The following ICE1 variants were observed in gnomAD, a reference collection of about 807,000 sequenced individuals.
The protein encoded by ICE1 is little elongation complex subunit 1.
ICE1 carries 64 observed loss-of-function variants against 192.7 expected under a neutral mutation model. The observed-to-expected ratio is 0.33, with a 90% CI of 0.27 to 0.41. ICE1 has a LOEUF of 0.41. ICE1 is among the 10% of genes least tolerant of loss of function. The probability of loss-of-function intolerance (pLI) is 1.00; values close to 1 mark genes in which losing one functional copy is unlikely to be tolerated. For synonymous variants in ICE1, 1,010 were observed against 984.5 expected (o/e 1.03, Z -0.49); for missense variants, 2,708 against 2,696.0 (o/e 1.00, Z -0.10).
At chr5:5,457,777 G>T in intron 12 of ICE1, 36 bp downstream of exon 12, 2 of 1,560,458 alleles carry the variant, frequency 1.3e-6, no homozygotes, top group Non-Finnish European at 1.8e-6. Flanking sequence ...TTACCAAGTG[G>T]GTACATTGTC....
chr5:5,470,087 CCAGAGAGTTACCTGCCTCGAG>C (rs1739114318), intron 15 of ICE1, among the ~76,000 whole-genome samples: 1 of 152,084 alleles, frequency 6.6e-6, no homozygotes, highest in Admixed American at 6.5e-5. Context: ...TTACCTGTTC[CCAGAGAGTTACCTGCCTCGAG>C]CATTACCTGC....
At position 5,464,579 on chromosome 5, in the gene ICE1, G is replaced by A. The variant is rs1460041200; in HGVS notation, c.5245G>A (p.Val1749Met). The A allele has an allele frequency of 6.2e-7, 1 of 1,612,280 alleles. No individual in the cohort carries two copies. Among genetic ancestry groups the A allele is most frequent in the Non-Finnish European group, 8.5e-7 (1 of 1,178,998 alleles). ...AAVGGPQENS[V>M]KILDTMYPEL... ...TGTGGGAGGGCCTCAGGAGAATTCT[G>A]TGAAAATCCTTGACACCATGTATCC... Residue 1749 changes from valine to methionine, a missense_variant, in exon 13 of 19, where the codon GTG becomes ATG. Around this residue, in one of 2 missense-constraint regions of ICE1, gnomAD observed 2,366 missense variants for 2,276.6 expected, o/e 1.04. Coordinates refer to ENST00000296564, the MANE Select transcript of ICE1 (RefSeq NM_015325.3). This position sits in a 1 kb window ranked among gnomAD's most constrained non-coding sequence, Gnocchi z 4.0.
At position 5,489,526 on chromosome 5, in the gene ICE1, A is replaced by G. The variant is rs1199985954; in HGVS notation, c.*196A>G. 2 of 506,492 alleles carry G rather than the reference A, an allele frequency of 3.9e-6. No individual in the cohort carries two copies. Among genetic ancestry groups the G allele is most frequent in the Admixed American group, 3.6e-5 (1 of 27,420 alleles). 31.4% of individuals were successfully genotyped at this position (506,492 alleles called of 1,614,324 possible). A position where few individuals can be genotyped will look rare whatever the true frequency, so the allele number is the denominator to read the frequency against. ...CGCATAGTCGTTTTTCCCTAAATCTAATACGTTTCACTTAAGGCTGTTGTG... is the reference window on the plus strand; with the variant it reads ...CGCATAGTCGTTTTTCCCTAAATCTGATACGTTTCACTTAAGGCTGTTGTG... On this transcript the variant is annotated 3_prime_UTR_variant, in exon 19 of 19. Transcript: ENST00000296564.
intron 3 of ICE1, among the ~76,000 whole-genome samples, chr5:5,439,081 T>C (rs1737961172): frequency 6.6e-6 from 1 of 152,198 alleles, no homozygotes; most frequent in Admixed American, 6.5e-5. Context: ...ACTATGATAA[T>C]TCAGTATTTC....
At chr5:5,454,243 A>C (rs1579556692) in intron 10 of ICE1, among the ~76,000 whole-genome samples, 1 of 152,220 alleles carries the variant, frequency 6.6e-6, no homozygotes, top group African/African-American at 2.4e-5. Context: ...CATTTGTCCC[A>C]TGCATACATA....
Position 5,422,976 on chromosome 5 carries a change from C to G in ICE1, c.61C>G (p.Gln21Glu), listed in dbSNP as rs1429300026. The G allele has an allele frequency of 6.9e-7, 1 of 1,452,076 alleles. No homozygotes were observed. Among genetic ancestry groups the G allele is most frequent in the Non-Finnish European group, 9.1e-7 (1 of 1,104,160 alleles). 89.9% of individuals were successfully genotyped at this position (1,452,076 alleles called of 1,614,324 possible). A position where few individuals can be genotyped will look rare whatever the true frequency, so the allele number is the denominator to read the frequency against. The part of the protein sequence containing the change: ...PGTAADLSRC[Q>E]GCASLQQNLN... ...GACGGCGGCGGACCTGTCGCGATGT[C>G]AGGGCTGCGCCTCTCTGCAGCAGGT... Residue 21 changes from glutamine (Q) to glutamate (E), a missense_variant, in exon 1 of 19, where the codon CAG (glutamine) becomes GAG (glutamate). Coordinates refer to ENST00000296564, the MANE Select transcript of ICE1 (RefSeq NM_015325.3).
chr5:5,469,599 T>A (rs1473105208), intron 15 of ICE1, among the ~76,000 whole-genome samples: 4 of 152,170 alleles, frequency 2.6e-5, no homozygotes, highest in Non-Finnish European at 5.9e-5. Context: ...TTTTTTAATT[T>A]TATTTTCTGT....
In ICE1 at chr5:5,464,939, A is replaced by C. The variant is rs1225276511; in HGVS notation, c.5605A>C (p.Lys1869Gln). The C allele has an allele frequency of 1.9e-6, 3 of 1,613,528 alleles. No individual in the cohort carries two copies. The highest frequency in any genetic ancestry group is 1.3e-5 in the African/African-American group (1 of 74,920). The change falls in exon 13 of 19, where the codon AAA becomes CAA. Residue 1869 changes from lysine to glutamine, a missense_variant. Transcript: ENST00000296564. The surrounding 1 kb of genome is among the most constrained non-coding windows in gnomAD (Gnocchi z 4.0). ...GGGAGTCACTGCAGAAGGAATCCAC[A>C]AAAACCTCCCAGGGAACCTCCCTCC... ...TRGVTAEGIH[K>Q]NLPGNLPPAE... is the part of the protein sequence containing the mutation.
At position 5,460,673 on chromosome 5, in the gene ICE1, G is replaced by A. The variant is rs1414918199; in HGVS notation, c.1339G>A (p.Ala447Thr). 3.1e-6 allele frequency: 5 copies of A among 1,613,836 alleles called. No individual in the cohort carries two copies. In the African/African-American group the frequency reaches 6.7e-5, roughly 22 times the overall value. ...AACTTCTGGACTCGAGACTTTCACA[G>A]CAACACTGAGAGAATCTTCTGCCAC... Reference protein sequence around the residue: ...VTTSGLETFTATLRESSATHS... With the variant: ...VTTSGLETFTTTLRESSATHS... Residue 447 changes from alanine to threonine, a missense_variant, in exon 13 of 19, where the codon GCA (alanine) becomes ACA (threonine). Transcript: ENST00000296564.
At chr5:5,473,877 T>G (rs369711530) in intron 16 of ICE1, 129 bp downstream of exon 16, 3 of 646,366 alleles carry the variant, frequency 4.6e-6, no homozygotes, top group African/African-American at 3.8e-5. Flanking sequence ...CAAATTACAC[T>G]GTTTTTATTT....
intron 17 of ICE1, among the ~76,000 whole-genome samples, chr5:5,479,440 A>T (rs1739433564): frequency 6.6e-6 from 1 of 152,170 alleles, no homozygotes; most frequent in South Asian, 2.1e-4. Context: ...AAGTCAGGAA[A>T]CAACAGATGC....
chr5:5,447,793 T>A (rs573886463), intron 9 of ICE1, 33 bp downstream of exon 9: 1 of 1,571,608 alleles, frequency 6.4e-7, no homozygotes, highest in Non-Finnish European at 8.7e-7. Context: ...CATAAATTTA[T>A]TTTTGATATG....
intron 17 of ICE1, among the ~76,000 whole-genome samples, chr5:5,480,977 C>A (rs982271025): frequency 2.6e-5 from 4 of 152,154 alleles, no homozygotes; most frequent in African/African-American, 9.6e-5. Context: ...TTCCTTAGTT[C>A]AAGATACCCT....
intron 10 of ICE1, among the ~76,000 whole-genome samples, chr5:5,452,393 G>A (rs531181772): frequency 5.3e-5 from 8 of 152,046 alleles, no homozygotes; most frequent in African/African-American, 1.9e-4. Flanking sequence ...TTATTAACCT[G>A]TTAGAAAAGG....
chr5:5,469,540 ACTAC>A (rs1349994763), intron 15 of ICE1, among the ~76,000 whole-genome samples: 2 of 152,122 alleles, frequency 1.3e-5, no homozygotes, highest in Non-Finnish European at 1.5e-5. Context: ...TGAGAGTCTA[ACTAC>A]CGGTAGCGAA....
chr5:5,475,480 T>A (rs1255463361), intron 16 of ICE1, among the ~76,000 whole-genome samples: 2 of 152,246 alleles, frequency 1.3e-5, no homozygotes, highest in Non-Finnish European at 2.9e-5. Flanking sequence ...GAATTGGCAC[T>A]GTTTTCAGTC....
intron 1 of ICE1, among the ~76,000 whole-genome samples, chr5:5,424,755 A>T (rs1421919245): frequency 2.0e-5 from 3 of 152,206 alleles, no homozygotes; most frequent in African/African-American, 7.2e-5. Context: ...GCTCTGTAGA[A>T]ATCTTGGAAG....
intron 17 of ICE1, among the ~76,000 whole-genome samples, chr5:5,477,320 C>A (rs1422629988): frequency 1.3e-5 from 2 of 152,118 alleles, no homozygotes; most frequent in Non-Finnish European, 2.9e-5. Flanking sequence ...CCACTGATTC[C>A]ACAGAAATAT....
intron 17 of ICE1, among the ~76,000 whole-genome samples, chr5:5,485,425 G>A (rs528026814): frequency 2.0e-5 from 3 of 152,134 alleles, no homozygotes; most frequent in South Asian, 2.1e-4. Context: ...TTTCATATCC[G>A]TAAGACTGAA....
Sources: gnomAD v4.1 joint callset for allele counts (sites outside exome capture counted in the v4.1 genomes callset) on GRCh38, gnomAD v4.1.1 for gene constraint, gnomAD v4.1.1 regional missense constraint, Gnocchi (gnomAD v3.1) non-coding constraint, MANE v1.5 for transcripts, NCBI Gene and HGNC (gene_info 2026-07-23, HGNC 2026-07-21) for gene names.